GPA33: variants seen among roughly 807,000 people sequenced by gnomAD.
The protein encoded by GPA33 is glycoprotein A33, also known as cell surface A33 antigen.
Under a neutral mutation model 35.6 loss-of-function variants are expected in GPA33, and 27 were observed. The ratio of observed to expected loss-of-function variants is 0.76; its 90% CI spans 0.56 to 1.04. GPA33 has a LOEUF of 1.04. Among genes scored for constraint, GPA33 ranks in the 50% least tolerant of loss-of-function variants. GPA33 has a pLI of 0.00. For synonymous variants in GPA33, 176 were observed against 164.0 expected (o/e 1.07, Z -0.56); for missense variants, 428 against 411.9 (o/e 1.04, Z -0.34).
chr1:167,079,574 G>A (rs985009932), intron 1 of GPA33, among the ~76,000 whole-genome samples: 3 of 152,018 alleles, frequency 2.0e-5, no homozygotes, highest in Admixed American at 6.6e-5. Flanking sequence ...AACCTGAGAA[G>A]CATCTTAAAA....
intron 4 of GPA33, among the ~76,000 whole-genome samples, chr1:167,057,585 A>G (rs1219441749): frequency 6.6e-6 from 1 of 152,176 alleles, no homozygotes. Flanking sequence ...TGTCAATCAT[A>G]CCAGCTTTGC....
intron 3 of GPA33, among the ~76,000 whole-genome samples, chr1:167,067,119 C>T (rs923391499): frequency 3.3e-4 from 50 of 151,984 alleles, no homozygotes; most frequent in African/African-American, 1.2e-3. Context: ...AAAATGGGCT[C>T]TTTCTTTTCT....
intron 3 of GPA33, among the ~76,000 whole-genome samples, chr1:167,066,841 G>C (rs1666603315): frequency 6.6e-6 from 1 of 152,174 alleles, no homozygotes; most frequent in South Asian, 2.1e-4. Flanking sequence ...CCCCGGTCCC[G>C]GAGCCCCAGT....
At chr1:167,075,374 T>C (rs1337339815) in intron 1 of GPA33, among the ~76,000 whole-genome samples, 1 of 152,030 alleles carries the variant, frequency 6.6e-6, no homozygotes, top group Non-Finnish European at 1.5e-5. Context: ...GTGATCCAAA[T>C]TGGAATGTAT....
chr1:167,084,431 G>A (rs1038648353), intron 1 of GPA33, among the ~76,000 whole-genome samples: 1 of 152,234 alleles, frequency 6.6e-6, no homozygotes, highest in Non-Finnish European at 1.5e-5. Flanking sequence ...GTTTTAAAAT[G>A]TGGTCCCCAA....
chr1:167,082,170 A>G, intron 1 of GPA33: 1 of 444,586 alleles, frequency 2.2e-6, no homozygotes, highest in South Asian at 1.6e-5. Context: ...CCAGTCCTAC[A>G]CAATCACAGA....
At chr1:167,068,440 C>T (rs1042540436) in intron 3 of GPA33, among the ~76,000 whole-genome samples, 9 of 152,146 alleles carry the variant, frequency 5.9e-5, no homozygotes, top group African/African-American at 2.2e-4. Context: ...GGGAGCAGAA[C>T]CTGACTGATG....
At chr1:167,058,729 A>T (rs1448228213) in intron 4 of GPA33, among the ~76,000 whole-genome samples, 1 of 150,282 alleles carries the variant, frequency 6.7e-6, no homozygotes, top group African/African-American at 2.4e-5. Context: ...AACATGCGGC[A>T]TGGAGAAGGA....
intron 4 of GPA33, among the ~76,000 whole-genome samples, chr1:167,059,378 C>T (rs1558003330): frequency 6.6e-6 from 1 of 152,192 alleles, no homozygotes; most frequent in Non-Finnish European, 1.5e-5. Flanking sequence ...ACGCTTCCCA[C>T]CTTCCTCTGC....
At chr1:167,089,459 AC>A (rs1302843274) in intron 1 of GPA33, among the ~76,000 whole-genome samples, 1 of 152,058 alleles carries the variant, frequency 6.6e-6, no homozygotes, top group South Asian at 2.1e-4. Flanking sequence ...ACTTTGCCAA[AC>A]CCTGCGTCTC....
intron 2 of GPA33, among the ~76,000 whole-genome samples, chr1:167,071,512 T>C (rs745789023): frequency 2.6e-5 from 4 of 152,184 alleles, no homozygotes; most frequent in Non-Finnish European, 5.9e-5. Context: ...GCACATATCC[T>C]TGTGCAGGGT....
chr1:167,077,968 A>G lies in GPA33; in HGVS notation c.44-4429T>C, dbSNP rs78785957. Among the ~76,000 whole-genome samples the G allele has an allele frequency of 5.0e-3, 757 of 152,346 alleles. 8 individuals are homozygous for G. Among genetic ancestry groups the G allele is most frequent in the African/African-American group, 0.018 (728 of 41,576 alleles). ...ATCTAGATATGACAGCTTGACAGCT[A>G]ACAAATGGCAGAGCTGCTGGCAAGT... is the stretch of plus-strand genomic sequence containing the variant. On this transcript the variant is annotated intron_variant, in intron 1 of 6. Coordinates refer to ENST00000367868, the MANE Select transcript of GPA33 (RefSeq NM_005814.3).
At chr1:167,068,312 G>A (rs1666643024) in intron 3 of GPA33, among the ~76,000 whole-genome samples, 1 of 151,998 alleles carries the variant, frequency 6.6e-6, no homozygotes, top group Non-Finnish European at 1.5e-5. Context: ...CTTTCTCTGG[G>A]CTTCATCTAC....
intron 1 of GPA33, among the ~76,000 whole-genome samples, chr1:167,089,839 G>A (rs1667120827): frequency 6.6e-6 from 1 of 151,856 alleles, no homozygotes; most frequent in African/African-American, 2.4e-5. Flanking sequence ...TCAGTTTCCT[G>A]TCTCTTTCTC....
chr1:167,067,866 T>C (rs1666633792), intron 3 of GPA33, among the ~76,000 whole-genome samples: 1 of 152,032 alleles, frequency 6.6e-6, no homozygotes. Context: ...AAGAGAAAAG[T>C]ATGCAAGAGT....
intron 1 of GPA33, among the ~76,000 whole-genome samples, chr1:167,086,661 T>C (rs1268406958): frequency 6.6e-6 from 1 of 152,236 alleles, no homozygotes; most frequent in African/African-American, 2.4e-5. Flanking sequence ...ACAATCAGCC[T>C]CAAAATGTCA....
At chr1:167,068,245 T>G (rs1666640993) in intron 3 of GPA33, among the ~76,000 whole-genome samples, 1 of 152,210 alleles carries the variant, frequency 6.6e-6, no homozygotes. Context: ...ATAGACTAAG[T>G]GCTCATTAAA....
intron 1 of GPA33, among the ~76,000 whole-genome samples, chr1:167,085,362 G>A (rs1000616389): frequency 3.9e-5 from 6 of 152,212 alleles, no homozygotes; most frequent in Non-Finnish European, 5.9e-5. Flanking sequence ...AGATTAGCCA[G>A]GTCAAACACT....
In GPA33 at chr1:167,069,139, C is replaced by T; in HGVS notation, c.199-1G>A. On this transcript the variant is annotated splice_acceptor_variant, in intron 2 of 6. Coordinates refer to ENST00000367868, the MANE Select transcript of GPA33 (RefSeq NM_005814.3). LOFTEE classifies it high-confidence loss of function. ...AAAACGGCCAGATGACCACCCTTTC[C>T]TGGAGAGAGAAGAAATGGCACCAGG... The T allele has an allele frequency of 6.2e-7, 1 of 1,608,874 alleles. No individual in the cohort carries two copies. Among genetic ancestry groups the T allele is most frequent in the Non-Finnish European group, 8.5e-7 (1 of 1,175,454 alleles).
Sources: gnomAD v4.1 joint callset for allele counts (sites outside exome capture counted in the v4.1 genomes callset) on GRCh38, gnomAD v4.1.1 for gene constraint, MANE v1.5 for transcripts, NCBI Gene and HGNC (gene_info 2026-07-23, HGNC 2026-07-21) for gene names.